FAM3D: variants seen among roughly 807,000 people sequenced by gnomAD.
FAM3D encodes the protein protein FAM3D.
Under a neutral mutation model 29.8 loss-of-function variants are expected in FAM3D, and 26 were observed. The observed-to-expected ratio is 0.87, with a 90% CI of 0.64 to 1.21. FAM3D has a LOEUF of 1.21. Among genes scored for constraint, FAM3D ranks in the 50% most tolerant of loss-of-function variants. FAM3D has a pLI of 0.00. For missense variants in FAM3D, 253 were observed against 290.9 expected, an observed-to-expected ratio of 0.87 and a Z score of 0.95; for synonymous variants, 115 against 102.3, an observed-to-expected ratio of 1.12 and a Z score of -0.75.
intron 4 of FAM3D, among the ~76,000 whole-genome samples, chr3:58,646,481 C>T (rs1305754641): frequency 2.0e-5 from 3 of 152,348 alleles, no homozygotes; most frequent in African/African-American, 7.2e-5. Flanking sequence ...TCAACGTGCT[C>T]TGTGAGTTCT....
chr3:58,649,463 T>G, intron 3 of FAM3D, 125 bp from the exon 4 acceptor site: 2 of 1,118,224 alleles, frequency 1.8e-6, no homozygotes, highest in East Asian at 2.6e-5. Context: ...TGAAATGAAC[T>G]AAAAATGCCT....
intron 4 of FAM3D, among the ~76,000 whole-genome samples, chr3:58,648,786 C>T (rs1444532773): frequency 6.6e-6 from 1 of 152,150 alleles, no homozygotes; most frequent in South Asian, 2.1e-4. Flanking sequence ...GGTGCCCCTC[C>T]TGGAACCCAG....
chr3:58,664,391 G>A (rs556894992), intron 1 of FAM3D, among the ~76,000 whole-genome samples: 2 of 148,266 alleles, frequency 1.3e-5, no homozygotes, highest in Non-Finnish European at 3.0e-5. Flanking sequence ...CTGATAGGCT[G>A]TGAACTTCCT....
chr3:58,639,264 A>G (rs1461568223), intron 7 of FAM3D, among the ~76,000 whole-genome samples: 1 of 152,210 alleles, frequency 6.6e-6, no homozygotes. Context: ...TCCACCAGTC[A>G]GGCTGGATAC....
Position 58,637,133 on chromosome 3 carries a change from C to A in FAM3D, c.458+8G>T, listed in dbSNP as rs1559494630. ...TGTGTGGCCTGGCAGGTAGAGTTTT[C>A]TACTTACTTGGTCCCTGGATCGTCG... is the stretch of plus-strand genomic sequence containing the variant. On this transcript the variant is annotated splice_region_variant and intron_variant, in intron 8 of 9. Coordinates refer to ENST00000358781, the MANE Select transcript of FAM3D (RefSeq NM_138805.3). 6.2e-7 allele frequency: 1 copy of A among 1,613,282 alleles called. No homozygotes were observed. The highest frequency in any genetic ancestry group is 1.3e-5 in the African/African-American group (1 of 75,012).
chr3:58,634,564 C>G lies in FAM3D; in HGVS notation c.586-196G>C. 1.8e-6 allele frequency: 1 copy of G among 541,522 alleles called. No homozygotes were observed. The highest frequency in any genetic ancestry group is 2.4e-5 in the South Asian group (1 of 42,220). The allele number at this position is 541,522 out of a possible 1,614,324, so 33.5% of individuals were successfully genotyped here. On this transcript the variant is annotated intron_variant, in intron 9 of 9. Transcript: ENST00000358781. This position sits in a 1 kb window ranked among gnomAD's most constrained non-coding sequence, Gnocchi z 4.6. ...AGAGATGGGATCAGAGCCCAGTTAA[C>G]TGCTCTCACGCCCTGAAGGGTAACC...
chr3:58,655,473 C>T (rs1426620422), intron 2 of FAM3D, 78 bp downstream of exon 2: 1 of 1,587,922 alleles, frequency 6.3e-7, no homozygotes, highest in Non-Finnish European at 8.6e-7. Context: ...AGAACAGATA[C>T]AGCCAAATCA....
chr3:58,649,735 G>A (rs986508238), intron 3 of FAM3D, among the ~76,000 whole-genome samples: 1 of 151,046 alleles, frequency 6.6e-6, no homozygotes, highest in Non-Finnish European at 1.5e-5. Context: ...ACACACACAC[G>A]ACTCTCCCTT....
At chr3:58,643,086 CCT>C (rs887040437) in intron 6 of FAM3D, among the ~76,000 whole-genome samples, 15 of 152,354 alleles carry the variant, frequency 9.8e-5, no homozygotes, top group African/African-American at 2.6e-4. Context: ...GGGTCTGTCC[CCT>C]GTTCTGCATC....
At position 58,634,108 on chromosome 3, in the gene FAM3D, T is replaced by C; in HGVS notation, c.*171A>G. On this transcript the variant is annotated 3_prime_UTR_variant, in exon 10 of 10. Transcript: ENST00000358781. This position sits in a 1 kb window ranked among gnomAD's most constrained non-coding sequence, Gnocchi z 4.6. ...GGCTGGTCTTCCGGGTAGGATGTGC[T>C]GTGGGAGGGTTCTGTTTCCGAGGAG... 5 of 589,230 alleles carry C rather than the reference T, an allele frequency of 8.5e-6. No homozygotes were observed. The highest frequency in any genetic ancestry group is 1.5e-5 in the Non-Finnish European group (5 of 335,172). 36.5% of individuals were successfully genotyped at this position (589,230 alleles called of 1,614,324 possible).
intron 1 of FAM3D, among the ~76,000 whole-genome samples, chr3:58,662,433 T>C (rs550798004): frequency 2.0e-5 from 3 of 152,314 alleles, no homozygotes; most frequent in Admixed American, 1.3e-4. Flanking sequence ...TTAATAACAA[T>C]CACAATAATA....
chr3:58,634,473 T>A lies in FAM3D; in HGVS notation c.586-105A>T. 1.0e-6 allele frequency: 1 copy of A among 958,184 alleles called. No individual in the cohort carries two copies. The highest frequency in any genetic ancestry group is 2.6e-5 in the East Asian group (1 of 38,158). The allele number at this position is 958,184 out of a possible 1,614,324, so 59.4% of individuals were successfully genotyped here. ...AAACCTAAATGGGGGTGTGGGATGT[T>A]ATTAACCCACTTCACAGATGGGGAA... On this transcript the variant is annotated intron_variant, in intron 9 of 9. Coordinates refer to ENST00000358781, the MANE Select transcript of FAM3D (RefSeq NM_138805.3). This position sits in a 1 kb window ranked among gnomAD's most constrained non-coding sequence, Gnocchi z 4.6.
At chr3:58,649,481 G>A in intron 3 of FAM3D, 143 bp from the exon 4 acceptor site, 2 of 881,940 alleles carry the variant, frequency 2.3e-6, no homozygotes, top group Non-Finnish European at 3.6e-6. Context: ...CCTTGCCACT[G>A]TCACCCCTTC....
intron 7 of FAM3D, among the ~76,000 whole-genome samples, chr3:58,639,341 C>T (rs2066263323): frequency 6.6e-6 from 1 of 152,214 alleles, no homozygotes; most frequent in Admixed American, 6.5e-5. Context: ...ACTATAGCTG[C>T]CTCTATGTCA....
intron 6 of FAM3D, among the ~76,000 whole-genome samples, chr3:58,641,374 T>C (rs1442203074): frequency 6.6e-6 from 1 of 152,028 alleles, no homozygotes; most frequent in Non-Finnish European, 1.5e-5. Flanking sequence ...AACCTCTTTT[T>C]TTTTTTTGGA....
chr3:58,664,196 T>C (rs1265316444), intron 1 of FAM3D, among the ~76,000 whole-genome samples: 1 of 152,242 alleles, frequency 6.6e-6, no homozygotes, highest in Non-Finnish European at 1.5e-5. Flanking sequence ...GCAAAGTTAT[T>C]GTATTTAAAC....
intron 1 of FAM3D, among the ~76,000 whole-genome samples, chr3:58,656,394 T>C (rs2066801102): frequency 6.6e-6 from 1 of 152,174 alleles, no homozygotes; most frequent in Admixed American, 6.5e-5. Context: ...AAACCCCTCT[T>C]CATCTGTCCT....
chr3:58,662,048 C>T (rs2066941698), intron 1 of FAM3D, among the ~76,000 whole-genome samples: 1 of 152,198 alleles, frequency 6.6e-6, no homozygotes, highest in South Asian at 2.1e-4. Context: ...ATCTGCAGGT[C>T]CATTAGCCCC....
At chr3:58,651,533 G>A (rs2106867704) in intron 3 of FAM3D, among the ~76,000 whole-genome samples, 1 of 152,322 alleles carries the variant, frequency 6.6e-6, no homozygotes, top group Non-Finnish European at 1.5e-5. Flanking sequence ...ACCATGAGCA[G>A]GGCCACATGT....
Sources: gnomAD v4.1 joint callset for allele counts (sites outside exome capture counted in the v4.1 genomes callset) on GRCh38, gnomAD v4.1.1 for gene constraint, Gnocchi (gnomAD v3.1) non-coding constraint, MANE v1.5 for transcripts, NCBI Gene and HGNC (gene_info 2026-07-23, HGNC 2026-07-21) for gene names.